The following HEXB variants were observed in gnomAD, a reference collection of about 807,000 sequenced individuals.
HEXB encodes hexosaminidase subunit beta.
HEXB carries 51 observed loss-of-function variants against 71.2 expected under a neutral mutation model. The ratio of observed to expected loss-of-function variants is 0.72; its 90% confidence interval spans 0.57 to 0.90. HEXB has a LOEUF of 0.90. HEXB is among the 40% of genes least tolerant of loss of function. The pLI is 0.00. For missense variants in HEXB, 617 were observed against 677.0 expected, an observed-to-expected ratio of 0.91 and a Z score of 0.98; for synonymous variants, 266 against 249.3, an observed-to-expected ratio of 1.07 and a Z score of -0.63.
chr5:74,697,852 T>C (rs1749150418), intron 5 of HEXB, among the ~76,000 whole-genome samples: 1 of 151,986 alleles, frequency 6.6e-6, no homozygotes, highest in African/African-American at 2.4e-5. Context: ...CGGGAGCTCC[T>C]TTATACCTAG....
upstream of HEXB, among the ~76,000 whole-genome samples, chr5:74,684,148 T>A (rs1264024991): frequency 2.0e-5 from 3 of 152,224 alleles, no homozygotes; most frequent in African/African-American, 7.2e-5. Context: ...AAGTCTTTCC[T>A]TAAAGCTCTT....
At chr5:74,669,230 T>C (rs866434357) in intron 1 of HEXB, among the ~76,000 whole-genome samples, 1 of 152,206 alleles carries the variant, frequency 6.6e-6, no homozygotes, top group Non-Finnish European at 1.5e-5. Context: ...GTGTTTGCCA[T>C]GGTATTTTTT....
At chr5:74,697,848 C>T (rs1749150355) in intron 5 of HEXB, among the ~76,000 whole-genome samples, 2 of 151,824 alleles carry the variant, frequency 1.3e-5, no homozygotes, top group South Asian at 4.2e-4. Flanking sequence ...AGTCCGGGAG[C>T]TCCTTTATAC....
chr5:74,654,654 G>C (rs1748183482), intron 1 of HEXB, among the ~76,000 whole-genome samples: 1 of 152,150 alleles, frequency 6.6e-6, no homozygotes, highest in African/African-American at 2.4e-5. Flanking sequence ...ATCTAGAGGG[G>C]GAAACGAGGA....
At chr5:74,713,413 C>G in intron 6 of HEXB, 93 bp from the exon 7 acceptor site, 1 of 1,188,106 alleles carries the variant, frequency 8.4e-7, no homozygotes, top group Non-Finnish European at 1.3e-6. Flanking sequence ...AAAAAATTAG[C>G]TGTCAAATAT....
intron 1 of HEXB, among the ~76,000 whole-genome samples, chr5:74,677,744 G>GT (rs571557298): frequency 6.6e-6 from 1 of 151,714 alleles, no homozygotes; most frequent in South Asian, 2.1e-4. Context: ...GGTACAAGTG[G>GT]TTTTTTGTTA....
intron 11 of HEXB, 142 bp from the exon 12 acceptor site, chr5:74,720,286 C>T: frequency 1.4e-6 from 1 of 707,428 alleles, no homozygotes; most frequent in Non-Finnish European, 2.6e-6. Flanking sequence ...GTGCCACAAC[C>T]ATTAGCATCT....
upstream of HEXB, among the ~76,000 whole-genome samples, chr5:74,682,804 T>C (rs1266904987): frequency 6.6e-6 from 1 of 152,198 alleles, no homozygotes. Context: ...ACATGCACCA[T>C]GTAGGGGTGG....
chr5:74,654,970 T>C (rs970442331), intron 1 of HEXB, among the ~76,000 whole-genome samples: 8 of 151,878 alleles, frequency 5.3e-5, no homozygotes, highest in African/African-American at 1.5e-4. Context: ...GGAGGTGAAA[T>C]GTCCAGGGAC....
chr5:74,712,153 T>A (rs977137073), intron 6 of HEXB, among the ~76,000 whole-genome samples: 2 of 145,730 alleles, frequency 1.4e-5, no homozygotes, highest in Admixed American at 7.0e-5. Context: ...AAATTGGAAA[T>A]CATCATTCTC....
intron 7 of HEXB, among the ~76,000 whole-genome samples, chr5:74,713,998 G>A (rs540209627): frequency 2.6e-4 from 40 of 152,256 alleles, no homozygotes; most frequent in African/African-American, 9.6e-4. Flanking sequence ...CCGCCACCAC[G>A]CTAATTTTTT....
intron 5 of HEXB, among the ~76,000 whole-genome samples, chr5:74,701,424 C>T (rs965184238): frequency 6.6e-6 from 1 of 152,194 alleles, no homozygotes; most frequent in African/African-American, 2.4e-5. Context: ...AGCCAGTAAT[C>T]CCCTCATTTC....
intron 1 of HEXB, among the ~76,000 whole-genome samples, chr5:74,647,478 C>T (rs1215389365): frequency 2.0e-5 from 3 of 152,214 alleles, no homozygotes; most frequent in Non-Finnish European, 4.4e-5. Flanking sequence ...TGCAAGTTAA[C>T]ATTAGCAGAA....
intron 1 of HEXB, among the ~76,000 whole-genome samples, chr5:74,676,955 C>T (rs546719113): frequency 6.6e-6 from 1 of 152,160 alleles, no homozygotes; most frequent in East Asian, 1.9e-4. Flanking sequence ...GGCGGGATCT[C>T]GGCTCACTGC....
Position 74,720,714 on chromosome 5 carries a change from A to C in HEXB, c.1580A>C (p.Asp527Ala), listed in dbSNP as rs1238027611. Residue 527 changes from aspartate to alanine, a missense_variant, in exon 13 of 14, where the codon GAC becomes GCC. Physicochemically the swap from Asp to Ala is moderately radical, Grantham distance 126 (BLOSUM62 -2). Coordinates refer to ENST00000261416, the MANE Select transcript of HEXB (RefSeq NM_000521.4). Reference sequence around the variant, plus strand: ...GTCAGAGATATGGATGACGCCTATGACAGACTGACAAGGCACCGCTGCAGG... The same window carrying C: ...GTCAGAGATATGGATGACGCCTATGCCAGACTGACAAGGCACCGCTGCAGG... The part of the protein sequence containing the change: ...KDVRDMDDAY[D>A]RLTRHRCRMV... 1.2e-6 allele frequency: 2 copies of C among 1,614,016 alleles called. No homozygotes were observed. Among genetic ancestry groups the C allele is most frequent in the Admixed American group, 3.3e-5 (2 of 60,006 alleles).
At chr5:74,690,078 C>A (rs541387020) in intron 2 of HEXB, among the ~76,000 whole-genome samples, 1 of 152,202 alleles carries the variant, frequency 6.6e-6, no homozygotes, top group African/African-American at 2.4e-5. Context: ...AAAGATAATG[C>A]AGAGCTAGGG....
chr5:74,720,881 A>G lies in HEXB; in HGVS notation c.1613+134A>G, dbSNP rs549650306. On this transcript the variant is annotated intron_variant, in intron 13 of 13. Transcript: ENST00000261416. Reference sequence around the variant, plus strand: ...ACCAGGAATTATTTTTTTGTAAGTAATAATACCTGTAAAGATATATTCAGA... The same window carrying G: ...ACCAGGAATTATTTTTTTGTAAGTAGTAATACCTGTAAAGATATATTCAGA... The G allele has an allele frequency of 8.4e-6, 7 of 830,546 alleles. No individual in the cohort carries two copies. The South Asian group carries it at 8.8e-5, about 10-fold the overall frequency. The allele number at this position is 830,546 out of a possible 1,614,324, so 51.4% of individuals were successfully genotyped here.
chr5:74,713,592 G>A lies in HEXB; in HGVS notation c.858G>A (p.Leu286=), dbSNP rs2112171900. 6.2e-7 allele frequency: 1 copy of A among 1,613,450 alleles called. No individual in the cohort carries two copies. The highest frequency in any genetic ancestry group is 8.5e-7 in the Non-Finnish European group (1 of 1,179,382). ...EYARLRGIRV[L]PEFDTPGHTL... ...CCAGATTACGAGGAATTCGAGTCCT[G>A]CCAGAATTTGATACCCCTGGGCATA... is the stretch of plus-strand genomic sequence containing the variant. The change falls in exon 7 of 14, where the codon CTG becomes CTA. Residue 286 remains leucine (L), a synonymous_variant. Transcript: ENST00000261416.
Position 74,719,940 on chromosome 5 carries a change from C to CAA in HEXB, c.1418-474_1418-473dup, listed in dbSNP as rs71600436. Reference sequence around the variant, plus strand: ...TGGGTGACCAAGCAAGACTCCATCTCAAAAAAAAAAAAAAACACACACATT... The same window carrying CAA: ...TGGGTGACCAAGCAAGACTCCATCTCAAAAAAAAAAAAAAAAACACACACATT... On this transcript the variant is annotated intron_variant, in intron 11 of 13. Coordinates refer to ENST00000261416, the MANE Select transcript of HEXB (RefSeq NM_000521.4). 2.1e-3 allele frequency: 164 copies of CAA among 79,946 alleles called. 1 individual carries two copies. The highest frequency in any genetic ancestry group is 7.6e-3 in the Middle Eastern group (1 of 132). 5.0% of individuals were successfully genotyped at this position (79,946 alleles called of 1,614,324 possible).
Sources: gnomAD v4.1 joint callset for allele counts (sites outside exome capture counted in the v4.1 genomes callset) on GRCh38, gnomAD v4.1.1 for gene constraint, MANE v1.5 for transcripts, NCBI Gene and HGNC (gene_info 2026-07-23, HGNC 2026-07-21) for gene names.